The following SLC4A4 variants were observed in gnomAD, a reference collection of about 807,000 sequenced individuals.
SLC4A4 encodes the protein solute carrier family 4 member 4, also known as electrogenic sodium bicarbonate cotransporter 1.
In SLC4A4, 27 loss-of-function variants were observed where a neutral mutation model predicts 111.5. The ratio of observed to expected loss-of-function variants is 0.24; its 90% CI spans 0.18 to 0.33. SLC4A4 has a LOEUF of 0.33. SLC4A4 is among the 10% of genes least tolerant of loss of function. SLC4A4 has a pLI of 1.00. For missense variants in SLC4A4, 909 were observed against 1,315.5 expected (o/e 0.69, Z 4.78); for synonymous variants, 443 against 463.4 (o/e 0.96, Z 0.57).
chr4:71,075,237 G>C (rs1247967043), intron 1 of SLC4A4, among the ~76,000 whole-genome samples: 1 of 152,162 alleles, frequency 6.6e-6, no homozygotes, highest in Non-Finnish European at 1.5e-5. Flanking sequence ...TCTTAAAGTG[G>C]ATTTCAAAGC....
intron 1 of SLC4A4, among the ~76,000 whole-genome samples, chr4:71,086,139 C>T (rs1322382866): frequency 6.6e-6 from 1 of 151,104 alleles, no homozygotes; most frequent in Admixed American, 6.6e-5. Flanking sequence ...AAGTTGGATT[C>T]CTAGGTATTT....
chr4:71,507,473 C>G (rs749050106), intron 16 of SLC4A4, among the ~76,000 whole-genome samples: 7 of 152,014 alleles, frequency 4.6e-5, no homozygotes, highest in Non-Finnish European at 7.4e-5. Context: ...AGACTTCAAA[C>G]CAACAAAGAT....
intron 2 of SLC4A4, among the ~76,000 whole-genome samples, chr4:71,153,267 A>C (rs2148973209): frequency 6.6e-6 from 1 of 151,980 alleles, no homozygotes. Context: ...AGCTGATTAA[A>C]TGGTGCCCAC....
At chr4:71,477,743 T>C (rs1728500155) in intron 14 of SLC4A4, among the ~76,000 whole-genome samples, 1 of 151,822 alleles carries the variant, frequency 6.6e-6, no homozygotes, top group Admixed American at 6.6e-5. Flanking sequence ...TCCCCCCAAC[T>C]TTCACTTGTT....
intron 7 of SLC4A4, among the ~76,000 whole-genome samples, chr4:71,406,645 CTTTTTT>C (rs58765854): frequency 2.9e-5 from 4 of 140,252 alleles, no homozygotes; most frequent in Middle Eastern, 3.3e-3. Flanking sequence ...AACAATGATT[CTTTTTT>C]TTTTTTTTTT....
rs66801188 is a variant in SLC4A4 at position 71,488,888 on chromosome 4, ATGTG to A, written c.1974+1907_1974+1910del. On this transcript the variant is annotated intron_variant, in intron 15 of 25. Transcript: ENST00000264485. Reference sequence around the variant, plus strand: ...CTAGGGAAAGAAGTTAGAAGAAAAAATGTGTGTGTGTGTGTGTGTGTGTGTGTGT... The same window carrying A: ...CTAGGGAAAGAAGTTAGAAGAAAAAATGTGTGTGTGTGTGTGTGTGTGTGT... Among the ~76,000 whole-genome samples the A allele has an allele frequency of 3.6e-3, 513 of 140,586 alleles. 3 individuals carry two copies. Among genetic ancestry groups the A allele is most frequent in the Middle Eastern group, 0.011 (3 of 282 alleles). 92.2% of individuals were successfully genotyped at this position (140,586 alleles called of 152,430 possible). A position where few individuals can be genotyped will look rare whatever the true frequency, so the allele number is the denominator to read the frequency against.
At chr4:71,256,905 C>T (rs1341239584) in intron 3 of SLC4A4, among the ~76,000 whole-genome samples, 3 of 152,154 alleles carry the variant, frequency 2.0e-5, no homozygotes, top group African/African-American at 7.2e-5. Flanking sequence ...TCTTTTATAA[C>T]TTGTCTTTCA....
intron 2 of SLC4A4, among the ~76,000 whole-genome samples, chr4:71,147,536 G>C (rs571308267): frequency 1.3e-5 from 2 of 152,078 alleles, no homozygotes; most frequent in Non-Finnish European, 2.9e-5. Flanking sequence ...CAAGGACTTG[G>C]GTTTTTCTGC....
intron 12 of SLC4A4, among the ~76,000 whole-genome samples, chr4:71,457,367 A>G (rs1015927068): frequency 2.6e-5 from 4 of 152,196 alleles, no homozygotes; most frequent in African/African-American, 9.6e-5. Flanking sequence ...TTTGCCCATT[A>G]GGCTGCTCTG....
intron 1 of SLC4A4, among the ~76,000 whole-genome samples, chr4:71,205,832 TTAAC>T (rs1472527533): frequency 1.3e-5 from 2 of 152,242 alleles, no homozygotes; most frequent in Non-Finnish European, 2.9e-5. Context: ...ACATGGCTAT[TTAAC>T]TACAGTACAT....
intron 2 of SLC4A4, among the ~76,000 whole-genome samples, chr4:71,120,872 T>C (rs1743393582): frequency 6.6e-6 from 1 of 152,146 alleles, no homozygotes; most frequent in African/African-American, 2.4e-5. Flanking sequence ...TGGGAGCCCC[T>C]CTCTGGGCTG....
At chr4:71,506,066 C>T (rs553119306) in intron 16 of SLC4A4, among the ~76,000 whole-genome samples, 2 of 152,158 alleles carry the variant, frequency 1.3e-5, no homozygotes, top group African/African-American at 4.8e-5. Context: ...GTTTTTGTAC[C>T]AGTACCATGC....
At chr4:71,241,883 G>A (rs7680952) in intron 2 of SLC4A4, among the ~76,000 whole-genome samples, 1 of 152,206 alleles carries the variant, frequency 6.6e-6, no homozygotes, top group African/African-American at 2.4e-5. Flanking sequence ...ACCTTTCCCA[G>A]CTTCCTGCTC....
At chr4:71,231,305 G>C (rs1719407866) in intron 1 of SLC4A4, among the ~76,000 whole-genome samples, 1 of 152,206 alleles carries the variant, frequency 6.6e-6, no homozygotes, top group Non-Finnish European at 1.5e-5. Context: ...ATGGGCTCTG[G>C]GGGTGGGAAC....
chr4:71,195,440 G>A (rs1745952174), intron 1 of SLC4A4, among the ~76,000 whole-genome samples: 1 of 151,904 alleles, frequency 6.6e-6, no homozygotes, highest in Non-Finnish European at 1.5e-5. Context: ...GCCAATTTAG[G>A]GTGATTTAGT....
Position 71,301,240 on chromosome 4 carries a change from T to G in SLC4A4, c.254-38130T>G. On this transcript the variant is annotated intron_variant, in intron 3 of 25. Transcript: ENST00000264485. ...GTGTAGTTAGCAAGGGGAGTGGGAT[T>G]GCAACATATTTACGGGAAATCAAGT... 4.1e-5 allele frequency: 10 copies of G among 244,278 alleles called. No homozygotes were observed. In the South Asian group the frequency reaches 4.7e-4, roughly 12 times the overall value. The allele number at this position is 244,278 out of a possible 1,614,324, so 15.1% of individuals were successfully genotyped here.
chr4:71,089,493 T>G (rs1029346352), intron 1 of SLC4A4, among the ~76,000 whole-genome samples: 1 of 152,144 alleles, frequency 6.6e-6, no homozygotes, highest in Non-Finnish European at 1.5e-5. Flanking sequence ...GAGTTTCCAG[T>G]TTTTCTGCTC....
rs904901591 is a variant in SLC4A4, at chr4:71,545,654, A to G, written c.2443-696A>G. ...ATTGGGCAATGTTTGAAATCGGCCTATTCTGATTAAGGGAGTGTTTATTAC... is the reference window on the plus strand; with the variant it reads ...ATTGGGCAATGTTTGAAATCGGCCTGTTCTGATTAAGGGAGTGTTTATTAC... On this transcript the variant is annotated intron_variant, in intron 18 of 25. Transcript: ENST00000264485. Among the ~76,000 whole-genome samples the G allele has an allele frequency of 2.6e-5, 4 of 152,118 alleles. No individual in the cohort carries two copies. In the East Asian group the frequency reaches 7.8e-4, roughly 30 times the overall value.
chr4:71,552,252 T>A (rs1267298108), intron 20 of SLC4A4, among the ~76,000 whole-genome samples: 1 of 151,946 alleles, frequency 6.6e-6, no homozygotes, highest in Non-Finnish European at 1.5e-5. Flanking sequence ...TTTCTCAATG[T>A]TACATAAGTA....
Sources: allele counts gnomAD v4.1 joint callset (sites outside exome capture counted in the v4.1 genomes callset), GRCh38; gene constraint gnomAD v4.1.1; transcripts MANE v1.5; gene names NCBI Gene and HGNC (gene_info 2026-07-23, HGNC 2026-07-21).